Variants in NR2F1-AS1 observed in about 807,000 individuals in gnomAD.
The protein encoded by NR2F1-AS1 is NR2F1 regulatory antisense RNA 1.
At chr5:93,584,002 T>G (rs983648832), upstream of NR2F1-AS1, 1 of 151,328 alleles carries the variant, frequency 6.6e-6, no homozygotes, top group Non-Finnish European at 1.5e-5. Context: ...CCTCCCGCTC[T>G]CCAGCGCTGC....
chr5:93,463,858 T>C (rs1458701242), intron 4 of NR2F1-AS1, among the ~76,000 whole-genome samples: 6 of 152,134 alleles, frequency 3.9e-5, no homozygotes, highest in African/African-American at 9.7e-5. Flanking sequence ...GGTACCCCCA[T>C]TGGATCTAGA....
chr5:93,567,919 C>G (rs967552701), intron 1 of NR2F1-AS1, among the ~76,000 whole-genome samples: 1 of 152,142 alleles, frequency 6.6e-6, no homozygotes, highest in Non-Finnish European at 1.5e-5. Context: ...GGTCAAATAT[C>G]TGGGTAAAAT....
At chr5:93,463,623 G>A (rs1382800110) in intron 4 of NR2F1-AS1, among the ~76,000 whole-genome samples, 2 of 152,198 alleles carry the variant, frequency 1.3e-5, no homozygotes, top group African/African-American at 4.8e-5. Flanking sequence ...AAAGCAGCCA[G>A]GAGGGGGCCT....
At position 93,546,416 on chromosome 5, in the gene NR2F1-AS1, A is replaced by T. The variant is rs1386073699; in HGVS notation, n.638+7345T>A. 3.3e-5 allele frequency among the ~76,000 whole-genome samples: 5 copies of T among 152,208 alleles called. No individual in the cohort carries two copies. The East Asian group carries it at 9.6e-4, about 29-fold the overall frequency. ...AAAGAGAAGGTTGACTATTTTATACATTGCAATTATCATAAGATTTATGTA... is the reference window on the plus strand; with the variant it reads ...AAAGAGAAGGTTGACTATTTTATACTTTGCAATTATCATAAGATTTATGTA... On this transcript the variant is annotated intron_variant and non_coding_transcript_variant, in intron 4 of 5. Transcript: ENST00000660523.
At chr5:93,475,341 T>G (rs890511096) in intron 4 of NR2F1-AS1, among the ~76,000 whole-genome samples, 17 of 152,106 alleles carry the variant, frequency 1.1e-4, no homozygotes, top group African/African-American at 3.6e-4. Flanking sequence ...TAGAAATAGA[T>G]GAGAAGAGGA....
intron 4 of NR2F1-AS1, among the ~76,000 whole-genome samples, chr5:93,418,960 G>A (rs1056472535): frequency 6.6e-6 from 1 of 152,192 alleles, no homozygotes; most frequent in African/African-American, 2.4e-5. Flanking sequence ...CCCAACCTAT[G>A]AGTTCCTCAT....
intron 4 of NR2F1-AS1, chr5:93,423,037 C>T (rs1361879216): frequency 6.6e-6 from 1 of 152,110 alleles, no homozygotes; most frequent in Non-Finnish European, 1.5e-5. Flanking sequence ...TCTTTACTTG[C>T]TCATTTCCTA....
chr5:93,527,119 C>G (rs1395266139), intron 4 of NR2F1-AS1, among the ~76,000 whole-genome samples: 1 of 152,080 alleles, frequency 6.6e-6, no homozygotes, highest in African/African-American at 2.4e-5. Context: ...GCCCAAAATT[C>G]CCTTAAGCTG....
At chr5:93,538,533 C>A (rs1258534474) in intron 4 of NR2F1-AS1, among the ~76,000 whole-genome samples, 1 of 152,074 alleles carries the variant, frequency 6.6e-6, no homozygotes, top group Non-Finnish European at 1.5e-5. Context: ...CACAAATGTA[C>A]AACAACAAAC....
chr5:93,585,473 C>T, upstream of NR2F1-AS1: 1 of 1,611,804 alleles, frequency 6.2e-7, no homozygotes, highest in Non-Finnish European at 8.5e-7. Flanking sequence ...TCAAAGTGGG[C>T]ATGAGGCGGG....
At chr5:93,570,720 C>T (rs1752736921) in intron 1 of NR2F1-AS1, 2 of 152,392 alleles carry the variant, frequency 1.3e-5, no homozygotes, top group South Asian at 4.1e-4. Flanking sequence ...CGGCCTCTAG[C>T]CTTCCGCCGA....
rs948514370 is a variant in NR2F1-AS1 at position 93,499,235 on chromosome 5, G to A, written n.638+54526C>T. 8.5e-5 allele frequency among the ~76,000 whole-genome samples: 13 copies of A among 152,142 alleles called. No homozygotes were observed. The East Asian group carries it at 1.2e-3, about 14-fold the overall frequency. ...CTTCAGCCAATTAACTACAGAAAAC[G>A]GTGACACATGGGTGACAGAAGTACA... On this transcript the variant is annotated intron_variant and non_coding_transcript_variant, in intron 4 of 5. Coordinates refer to ENST00000660523, the Ensembl canonical transcript of NR2F1-AS1.
intron 4 of NR2F1-AS1, among the ~76,000 whole-genome samples, chr5:93,460,035 G>A (rs535099924): frequency 6.6e-6 from 1 of 152,158 alleles, no homozygotes; most frequent in African/African-American, 2.4e-5. Flanking sequence ...AATCACTTCT[G>A]TGGGTCAAAT....
At chr5:93,537,161 A>G (rs1000423403) in intron 4 of NR2F1-AS1, among the ~76,000 whole-genome samples, 1 of 152,240 alleles carries the variant, frequency 6.6e-6, no homozygotes, top group African/African-American at 2.4e-5. Flanking sequence ...TCAGCTCAAA[A>G]TGGATTAGAC....
intron 4 of NR2F1-AS1, among the ~76,000 whole-genome samples, chr5:93,525,030 T>A (rs146978225): frequency 0.017 from 2,572 of 152,258 alleles, 77 homozygotes; most frequent in African/African-American, 0.059. Flanking sequence ...TAAATGTAAA[T>A]GGACTAAATG....
intron 4 of NR2F1-AS1, among the ~76,000 whole-genome samples, chr5:93,538,646 A>G (rs1255792726): frequency 6.6e-6 from 1 of 152,192 alleles, no homozygotes; most frequent in African/African-American, 2.4e-5. Flanking sequence ...ACAAACATTT[A>G]TTCCTTGATT....
upstream of NR2F1-AS1, among the ~76,000 whole-genome samples, chr5:93,582,776 GTGTGTGTGTA>G (rs1478101418): frequency 6.6e-6 from 1 of 151,150 alleles, no homozygotes; most frequent in African/African-American, 2.4e-5. Context: ...GCGTAAGTGT[GTGTGTGTGTA>G]TGTGTGTGTG....
At chr5:93,528,169 G>A (rs557503762) in intron 4 of NR2F1-AS1, among the ~76,000 whole-genome samples, 3 of 151,900 alleles carry the variant, frequency 2.0e-5, no homozygotes, top group East Asian at 3.9e-4. Flanking sequence ...AAACAAACAA[G>A]CCCATTAAAA....
chr5:93,465,152 G>T (rs756463403), intron 4 of NR2F1-AS1, among the ~76,000 whole-genome samples: 1 of 152,052 alleles, frequency 6.6e-6, no homozygotes, highest in Non-Finnish European at 1.5e-5. Context: ...TACAGAATGG[G>T]AGAAAATTTT....
Sources: gnomAD v4.1 joint callset for allele counts (sites outside exome capture counted in the v4.1 genomes callset) on GRCh38, gnomAD v4.1.1 for gene constraint, MANE v1.5 for transcripts, NCBI Gene and HGNC (gene_info 2026-07-23, HGNC 2026-07-21) for gene names.